CDH11: variants seen among roughly 807,000 people sequenced by gnomAD.
The protein encoded by CDH11 is cadherin-11.
In CDH11, 11 loss-of-function variants were observed where a neutral mutation model predicts 67.8. That is an observed-to-expected ratio of 0.16 (90% confidence interval 0.10 to 0.27). The LOEUF (loss-of-function observed/expected upper bound fraction) is 0.27. Among genes scored for constraint, CDH11 ranks in the 10% least tolerant of loss-of-function variants. The pLI is 1.00. For synonymous variants in CDH11, 419 were observed against 400.0 expected (o/e 1.05, Z -0.57); for missense variants, 847 against 1,031.2 (o/e 0.82, Z 2.45).
intron 1 of CDH11, among the ~76,000 whole-genome samples, chr16:65,097,397 T>C (rs1195098562): frequency 6.6e-6 from 1 of 152,204 alleles, no homozygotes; most frequent in East Asian, 1.9e-4. Context: ...TAATGAAACT[T>C]TCAGATTGAC....
intron 1 of CDH11, among the ~76,000 whole-genome samples, chr16:65,062,484 C>T (rs2074248630): frequency 2.0e-5 from 3 of 152,162 alleles, no homozygotes; most frequent in South Asian, 4.1e-4. Context: ...AGCAATACAA[C>T]TGATTTATGA....
At chr16:65,083,435 C>G (rs1328759785) in intron 1 of CDH11, among the ~76,000 whole-genome samples, 1 of 152,202 alleles carries the variant, frequency 6.6e-6, no homozygotes, top group Non-Finnish European at 1.5e-5. Context: ...GCCAGGAGGG[C>G]CACACTGGTC....
intron 11 of CDH11, among the ~76,000 whole-genome samples, chr16:64,965,817 C>G (rs1055481382): frequency 8.3e-6 from 1 of 120,698 alleles, no homozygotes; most frequent in Admixed American, 8.5e-5. Context: ...CACACACACA[C>G]AAGCTTATTT....
At chr16:65,123,502 C>A (rs901631781), upstream of CDH11, among the ~76,000 whole-genome samples, 2 of 151,928 alleles carry the variant, frequency 1.3e-5, no homozygotes, top group Non-Finnish European at 2.9e-5. Flanking sequence ...GGATCCTGAG[C>A]GCATGGGGAA....
At chr16:65,117,719 T>C (rs1270215711) in intron 1 of CDH11, among the ~76,000 whole-genome samples, 3 of 152,230 alleles carry the variant, frequency 2.0e-5, no homozygotes, top group Non-Finnish European at 4.4e-5. Flanking sequence ...CAAAACCTCA[T>C]GAAAGAACGG....
intron 1 of CDH11, among the ~76,000 whole-genome samples, chr16:65,107,813 G>A (rs571859455): frequency 8.0e-4 from 122 of 151,822 alleles, no homozygotes; most frequent in Non-Finnish European, 1.4e-3. Context: ...TGTGGAGGAA[G>A]ATTTGAGGGC....
At chr16:65,087,291 T>G (rs1268940623) in intron 1 of CDH11, among the ~76,000 whole-genome samples, 1 of 152,234 alleles carries the variant, frequency 6.6e-6, no homozygotes, top group East Asian at 1.9e-4. Context: ...TTAGGAATTA[T>G]GAAGTGTCAG....
chr16:65,020,683 A>G (rs2073405498), intron 2 of CDH11, among the ~76,000 whole-genome samples: 1 of 152,178 alleles, frequency 6.6e-6, no homozygotes, highest in Non-Finnish European at 1.5e-5. Flanking sequence ...AGTCATATGA[A>G]CTGAAAGGTA....
chr16:65,026,245 T>C (rs2073532188), intron 2 of CDH11, among the ~76,000 whole-genome samples: 1 of 152,198 alleles, frequency 6.6e-6, no homozygotes, highest in Admixed American at 6.5e-5. Flanking sequence ...TTTGCATACA[T>C]TTTCAGAAAA....
intron 1 of CDH11, among the ~76,000 whole-genome samples, chr16:65,089,516 C>T (rs919247458): frequency 6.6e-6 from 1 of 152,050 alleles, no homozygotes; most frequent in Non-Finnish European, 1.5e-5. Context: ...ACTCTCATGA[C>T]TTATCCCATT....
intron 2 of CDH11, among the ~76,000 whole-genome samples, chr16:65,011,092 A>ATT (rs201823468): frequency 7.2e-5 from 9 of 124,142 alleles, no homozygotes; most frequent in Admixed American, 1.8e-4. Flanking sequence ...ACACACACAT[A>ATT]TTTTTTATAT....
rs1455641167 is a variant in CDH11, at chr16:64,972,891, G to A, written c.1390+13C>T. On this transcript the variant is annotated intron_variant, in intron 9 of 12. Transcript: ENST00000268603. ...TGGTAAAGTAGAATCAAAACCATGA[G>A]GAGAATACTTACGGATTTCTGCTGC... is the stretch of plus-strand genomic sequence containing the variant. 1 of 1,613,288 alleles carries A rather than the reference G, an allele frequency of 6.2e-7. No homozygotes were observed. The highest frequency in any genetic ancestry group is 1.7e-5 in the Admixed American group (1 of 59,976).
At chr16:65,084,166 A>G (rs1386789769) in intron 1 of CDH11, among the ~76,000 whole-genome samples, 1 of 152,218 alleles carries the variant, frequency 6.6e-6, no homozygotes, top group African/African-American at 2.4e-5. Flanking sequence ...AAATAGGATG[A>G]TAGGATAATT....
intron 12 of CDH11, 100 bp downstream of exon 12, chr16:64,950,667 C>T (rs2071334174): frequency 8.9e-7 from 1 of 1,124,840 alleles, no homozygotes; most frequent in East Asian, 5.0e-5. Context: ...ACAGTCATAA[C>T]AGGGTCCTGG....
chr16:65,097,593 C>T (rs2074921298), intron 1 of CDH11, among the ~76,000 whole-genome samples: 1 of 152,164 alleles, frequency 6.6e-6, no homozygotes, highest in Non-Finnish European at 1.5e-5. Context: ...TAGATCTTGC[C>T]AAATGTCCTC....
chr16:65,067,784 GGAGA>G (rs1364116170), intron 1 of CDH11, among the ~76,000 whole-genome samples: 7 of 141,738 alleles, frequency 4.9e-5, no homozygotes, highest in Admixed American at 2.1e-4. Context: ...GGGAAGGGAG[GGAGA>G]GAGAGAGGAA....
At chr16:65,055,353 G>C (rs920865440) in intron 1 of CDH11, among the ~76,000 whole-genome samples, 3 of 152,102 alleles carry the variant, frequency 2.0e-5, no homozygotes, top group African/African-American at 4.8e-5. Flanking sequence ...CACCCTGGTC[G>C]GTCCAAAAGG....
At chr16:65,041,103 C>T (rs373728862) in intron 2 of CDH11, among the ~76,000 whole-genome samples, 2 of 152,244 alleles carry the variant, frequency 1.3e-5, no homozygotes, top group East Asian at 3.8e-4. Context: ...ACAGCCAGCG[C>T]CAAAGTGCTG....
chr16:65,061,541 A>C (rs1234347082), intron 1 of CDH11, among the ~76,000 whole-genome samples: 4 of 152,218 alleles, frequency 2.6e-5, no homozygotes, highest in Non-Finnish European at 4.4e-5. Flanking sequence ...ATCATTTTGC[A>C]AATAATCGGC....
Sources: allele counts gnomAD v4.1 joint callset (sites outside exome capture counted in the v4.1 genomes callset), GRCh38; gene constraint gnomAD v4.1.1; transcripts MANE v1.5; gene names NCBI Gene and HGNC (gene_info 2026-07-23, HGNC 2026-07-21).